Variants in PLPPR5 observed in about 807,000 individuals in gnomAD.
PLPPR5 encodes phospholipid phosphatase-related protein type 5.
In PLPPR5, 16 loss-of-function variants were observed where a neutral mutation model predicts 33.9. The ratio of observed to expected loss-of-function variants is 0.47; its 90% CI spans 0.32 to 0.72. The LOEUF (loss-of-function observed/expected upper bound fraction) is 0.72. Among genes scored for constraint, PLPPR5 ranks in the 30% least tolerant of loss-of-function variants. The probability of loss-of-function intolerance (pLI) is 0.03; values close to 1 mark genes in which losing one functional copy is unlikely to be tolerated. For synonymous variants in PLPPR5, 163 were observed against 150.3 expected (o/e 1.08, Z -0.62); for missense variants, 301 against 406.7 (o/e 0.74, Z 2.23).
chr1:98,978,947 C>T (rs1268789318), intron 1 of PLPPR5, among the ~76,000 whole-genome samples: 3 of 151,984 alleles, frequency 2.0e-5, no homozygotes, highest in African/African-American at 7.2e-5. Context: ...GACAGGATGA[C>T]ATGAAAACAT....
At chr1:98,896,840 T>C (rs61788482) in intron 5 of PLPPR5, among the ~76,000 whole-genome samples, 1 of 145,920 alleles carries the variant, frequency 6.9e-6, no homozygotes, top group Non-Finnish European at 1.6e-5. Context: ...CAGTCTGTAA[T>C]TTAAAAAAAA....
At chr1:98,906,675 A>G (rs1046466039) in intron 5 of PLPPR5, among the ~76,000 whole-genome samples, 5 of 152,122 alleles carry the variant, frequency 3.3e-5, no homozygotes, top group African/African-American at 9.7e-5. Flanking sequence ...CAATACTACT[A>G]CCTATCACGG....
chr1:98,934,564 A>G (rs1211601220), intron 3 of PLPPR5, among the ~76,000 whole-genome samples: 1 of 152,180 alleles, frequency 6.6e-6, no homozygotes, highest in African/African-American at 2.4e-5. Flanking sequence ...ATATAGAGAT[A>G]GGGAAGTCTG....
At chr1:98,934,701 A>G (rs574540615) in intron 3 of PLPPR5, among the ~76,000 whole-genome samples, 1 of 152,256 alleles carries the variant, frequency 6.6e-6, no homozygotes, top group South Asian at 2.1e-4. Flanking sequence ...AATAGAAGTC[A>G]CGTTGATCAA....
chr1:98,923,813 A>T lies in PLPPR5; in HGVS notation c.622-1755T>A, dbSNP rs377029686. Among the ~76,000 whole-genome samples, 28 of 152,318 alleles carry T rather than the reference A, an allele frequency of 1.8e-4. No individual in the cohort carries two copies. The Middle Eastern group carries it at 0.01, about 56-fold the overall frequency. On this transcript the variant is annotated intron_variant, in intron 3 of 5. Coordinates refer to ENST00000263177, the MANE Select transcript of PLPPR5 (RefSeq NM_001037317.2). The stretch of plus-strand genomic sequence containing the variant: ...GAACAGGAAGAGATGAGAAAGAGAA[A>T]ACGATGCTTTTGCCATTCTGAGAGA...
intron 1 of PLPPR5, among the ~76,000 whole-genome samples, chr1:99,001,679 T>G (rs189586518): frequency 2.9e-4 from 41 of 140,604 alleles, no homozygotes; most frequent in East Asian, 1.7e-3. Flanking sequence ...AAGATATATA[T>G]ATATATATAT....
chr1:99,005,284 C>A (rs1402815405), upstream of PLPPR5, among the ~76,000 whole-genome samples: 1 of 152,128 alleles, frequency 6.6e-6, no homozygotes, highest in South Asian at 2.1e-4. Flanking sequence ...ACGCGTCTTC[C>A]GAGCGCAAAG....
At chr1:98,949,739 G>T (rs1187536246) in intron 3 of PLPPR5, among the ~76,000 whole-genome samples, 1 of 152,126 alleles carries the variant, frequency 6.6e-6, no homozygotes, top group Non-Finnish European at 1.5e-5. Context: ...TAACAGCAAA[G>T]CCTGCCTATA....
intron 1 of PLPPR5, among the ~76,000 whole-genome samples, chr1:98,970,543 A>T (rs183949401): frequency 9.2e-5 from 14 of 151,922 alleles, no homozygotes; most frequent in Non-Finnish European, 1.3e-4. Flanking sequence ...AAATTCATAA[A>T]TATATTCCCT....
intron 1 of PLPPR5, among the ~76,000 whole-genome samples, chr1:98,971,772 A>G (rs1651670710): frequency 6.6e-6 from 1 of 152,072 alleles, no homozygotes; most frequent in African/African-American, 2.4e-5. Context: ...ATGCCCAGTG[A>G]AATTTTTAGA....
At chr1:98,919,000 A>G (rs144246166) in intron 4 of PLPPR5, among the ~76,000 whole-genome samples, 1 of 152,322 alleles carries the variant, frequency 6.6e-6, no homozygotes, top group African/African-American at 2.4e-5. Context: ...GCAAAGCAAA[A>G]CCAAAAATGC....
At chr1:98,944,367 T>C (rs2101197097) in intron 3 of PLPPR5, among the ~76,000 whole-genome samples, 1 of 152,346 alleles carries the variant, frequency 6.6e-6, no homozygotes, top group East Asian at 1.9e-4. Flanking sequence ...ATTATCTGAA[T>C]GTGTGTATCC....
At chr1:98,988,748 T>C (rs1652347248) in intron 1 of PLPPR5, among the ~76,000 whole-genome samples, 1 of 152,158 alleles carries the variant, frequency 6.6e-6, no homozygotes, top group Non-Finnish European at 1.5e-5. Flanking sequence ...GGACATATCA[T>C]AATAAGATTC....
intron 3 of PLPPR5, among the ~76,000 whole-genome samples, chr1:98,938,632 C>G (rs1286058597): frequency 3.3e-5 from 5 of 151,594 alleles, no homozygotes; most frequent in Non-Finnish European, 7.4e-5. Flanking sequence ...CACTGTACCA[C>G]TACTCACAAT....
At chr1:98,967,684 T>A (rs993352492) in intron 1 of PLPPR5, among the ~76,000 whole-genome samples, 3 of 152,080 alleles carry the variant, frequency 2.0e-5, no homozygotes. Context: ...ATAGAAATAA[T>A]GCCATCATGG....
At chr1:98,925,460 T>G (rs1324213580) in intron 3 of PLPPR5, among the ~76,000 whole-genome samples, 1 of 152,302 alleles carries the variant, frequency 6.6e-6, no homozygotes, top group East Asian at 1.9e-4. Context: ...AAGAGCCTGG[T>G]GTATATTCTT....
At chr1:98,960,169 AC>A (rs977240458) in intron 1 of PLPPR5, among the ~76,000 whole-genome samples, 1 of 151,708 alleles carries the variant, frequency 6.6e-6, no homozygotes, top group African/African-American at 2.4e-5. Context: ...CTGAGTTAAA[AC>A]TCCAATTGTT....
At chr1:98,907,169 A>G (rs1648934377) in intron 5 of PLPPR5, among the ~76,000 whole-genome samples, 1 of 149,086 alleles carries the variant, frequency 6.7e-6, no homozygotes. Flanking sequence ...AGAAGATGCT[A>G]TCTAAAATAA....
chr1:98,924,295 C>T (rs1649672961), intron 3 of PLPPR5, among the ~76,000 whole-genome samples: 1 of 152,142 alleles, frequency 6.6e-6, no homozygotes, highest in African/African-American at 2.4e-5. Context: ...GAAGAGTACA[C>T]AATTTGATGA....
Sources: allele counts gnomAD v4.1 joint callset (sites outside exome capture counted in the v4.1 genomes callset), GRCh38; gene constraint gnomAD v4.1.1; transcripts MANE v1.5; gene names NCBI Gene and HGNC (gene_info 2026-07-23, HGNC 2026-07-21).